Variants in DLG2 observed in about 807,000 individuals in gnomAD.
DLG2 encodes the protein discs large MAGUK scaffold protein 2, also known as disks large homolog 2.
DLG2 carries 45 observed loss-of-function variants against 132.5 expected under a neutral mutation model. That is an observed-to-expected ratio of 0.34 (90% CI 0.27 to 0.44). The LOEUF (loss-of-function observed/expected upper bound fraction) is 0.44, where lower values mean the gene tolerates loss of function less well. Among genes scored for constraint, DLG2 ranks in the 20% least tolerant of loss-of-function variants. The pLI is 1.00. For missense variants in DLG2, 1,045 were observed against 1,196.9 expected (o/e 0.87, Z 1.87); for synonymous variants, 424 against 419.6 (o/e 1.01, Z -0.13).
intron 6 of DLG2, among the ~76,000 whole-genome samples, chr11:84,724,473 C>T (rs2062177080): frequency 6.6e-6 from 1 of 152,158 alleles, no homozygotes; most frequent in Non-Finnish European, 1.5e-5. Flanking sequence ...CGGTCTAATT[C>T]CACATTCAGT....
intron 7 of DLG2, among the ~76,000 whole-genome samples, chr11:84,307,711 A>AAAAAAAAAAAAAAAAAAG (rs1567239166): frequency 6.6e-6 from 1 of 150,878 alleles, no homozygotes; most frequent in African/African-American, 2.4e-5. Flanking sequence ...AAAAAAAAAA[A>AAAAAAAAAAAAAAAAAAG]AAAAAGAAGC....
chr11:83,550,177 A>C (rs1451211227), intron 19 of DLG2, among the ~76,000 whole-genome samples: 1 of 152,192 alleles, frequency 6.6e-6, no homozygotes. Context: ...AAAATCAGGC[A>C]ATCACTGTCA....
At chr11:84,138,876 GA>G (rs1336145664) in intron 9 of DLG2, among the ~76,000 whole-genome samples, 1 of 147,600 alleles carries the variant, frequency 6.8e-6, no homozygotes, top group Non-Finnish European at 1.5e-5. Flanking sequence ...TTGAACCCAA[GA>G]GGGGGAAGTT....
At chr11:83,667,892 G>A (rs1013812495) in intron 18 of DLG2, among the ~76,000 whole-genome samples, 4 of 145,984 alleles carry the variant, frequency 2.7e-5, no homozygotes, top group Non-Finnish European at 6.0e-5. Flanking sequence ...GCAGGAGAAT[G>A]GCATGAACCC....
At chr11:84,334,825 G>A (rs1393815837) in intron 7 of DLG2, among the ~76,000 whole-genome samples, 2 of 152,194 alleles carry the variant, frequency 1.3e-5, no homozygotes, top group African/African-American at 2.4e-5. Context: ...GGCTATGGGG[G>A]TATATAAGAG....
intron 7 of DLG2, among the ~76,000 whole-genome samples, chr11:84,466,333 G>A (rs757441781): frequency 6.6e-6 from 1 of 151,166 alleles, no homozygotes; most frequent in Admixed American, 6.6e-5. Context: ...TCAATATTAA[G>A]GACATTTTTC....
At chr11:84,068,371 A>T (rs115033966) in intron 10 of DLG2, among the ~76,000 whole-genome samples, 1 of 152,330 alleles carries the variant, frequency 6.6e-6, no homozygotes, top group South Asian at 2.1e-4. Flanking sequence ...ATACAGGCAG[A>T]CTTTGTGACC....
At chr11:83,473,700 G>A (rs899995950) in intron 22 of DLG2, among the ~76,000 whole-genome samples, 1 of 151,962 alleles carries the variant, frequency 6.6e-6, no homozygotes, top group Non-Finnish European at 1.5e-5. Context: ...AGCAGAAGTG[G>A]AATATGAGGT....
intron 3 of DLG2, among the ~76,000 whole-genome samples, chr11:85,344,113 A>G (rs1312449006): frequency 2.0e-5 from 3 of 152,224 alleles, no homozygotes; most frequent in African/African-American, 7.2e-5. Context: ...GTTACTTTCA[A>G]TAAAGCATTT....
chr11:83,472,587 C>A (rs976836786), intron 23 of DLG2, 140 bp downstream of exon 23: 2 of 674,546 alleles, frequency 3.0e-6, no homozygotes, highest in East Asian at 5.6e-5. Flanking sequence ...TGAGAGACAG[C>A]GTAAGAGTAA....
intron 4 of DLG2, among the ~76,000 whole-genome samples, chr11:85,244,774 C>T (rs1400176207): frequency 6.6e-6 from 1 of 151,926 alleles, no homozygotes; most frequent in East Asian, 1.9e-4. Context: ...TGTAACAGCA[C>T]TATCAAATAA....
Position 83,762,461 on chromosome 11 carries a change from G to A in DLG2, c.1825+24229C>T, listed in dbSNP as rs570130526. 5.9e-5 allele frequency among the ~76,000 whole-genome samples: 9 copies of A among 152,216 alleles called. No homozygotes were observed. The South Asian group carries it at 1.9e-3, about 32-fold the overall frequency. ...CACATTTTGTTCTAAAGATTTTGTC[G>A]ACTATACCTCACATTTTGTATATAG... On this transcript the variant is annotated intron_variant, in intron 18 of 27. Transcript: ENST00000376104.
intron 15 of DLG2, among the ~76,000 whole-genome samples, chr11:83,925,004 C>A (rs1286041179): frequency 6.6e-6 from 1 of 152,086 alleles, no homozygotes; most frequent in African/African-American, 2.4e-5. Context: ...AGTCTGAGGT[C>A]ATATTTGCTT....
chr11:85,289,688 T>C (rs1349480246), intron 3 of DLG2, among the ~76,000 whole-genome samples: 2 of 152,144 alleles, frequency 1.3e-5, no homozygotes, highest in Admixed American at 1.3e-4. Flanking sequence ...ATCTAGACAG[T>C]ATAGCACAGT....
intron 18 of DLG2, among the ~76,000 whole-genome samples, chr11:83,786,058 T>C (rs775029518): frequency 6.6e-6 from 1 of 152,232 alleles, no homozygotes; most frequent in African/African-American, 2.4e-5. Flanking sequence ...AGTTGTCTCA[T>C]TGAGCCTCAT....
chr11:85,459,440 T>A (rs555715889), intron 3 of DLG2, among the ~76,000 whole-genome samples: 1 of 152,118 alleles, frequency 6.6e-6, no homozygotes, highest in East Asian at 1.9e-4. Context: ...AGACCAAGGG[T>A]AGCAGGGGCA....
chr11:85,196,785 A>C (rs2081100708), intron 4 of DLG2, among the ~76,000 whole-genome samples: 1 of 152,204 alleles, frequency 6.6e-6, no homozygotes, highest in Non-Finnish European at 1.5e-5. Context: ...GTGTACTTTT[A>C]ACTACATGTG....
intron 19 of DLG2, among the ~76,000 whole-genome samples, chr11:83,595,301 C>T (rs1313806835): frequency 1.3e-5 from 2 of 152,184 alleles, no homozygotes; most frequent in African/African-American, 4.8e-5. Context: ...AGTCTTTTCT[C>T]TTACAATTCT....
At chr11:84,508,736 GCACTTACCAT>G (rs1159687516) in intron 7 of DLG2, among the ~76,000 whole-genome samples, 1 of 152,086 alleles carries the variant, frequency 6.6e-6, no homozygotes, top group Non-Finnish European at 1.5e-5. Flanking sequence ...TTATTTAATA[GCACTTACCAT>G]CATCTGACAT....
Sources: allele counts gnomAD v4.1 joint callset (sites outside exome capture counted in the v4.1 genomes callset), GRCh38; gene constraint gnomAD v4.1.1; transcripts MANE v1.5; gene names NCBI Gene and HGNC (gene_info 2026-07-23, HGNC 2026-07-21).